Variants in GRIK4 observed in about 807,000 individuals in gnomAD.
GRIK4 encodes the protein glutamate receptor ionotropic, kainate 4.
GRIK4 carries 40 observed loss-of-function variants against 104.9 expected under a neutral mutation model. That is an observed-to-expected ratio of 0.38 (90% CI 0.30 to 0.50). The LOEUF (loss-of-function observed/expected upper bound fraction) is 0.50. Among genes scored for constraint, GRIK4 ranks in the 20% least tolerant of loss-of-function variants. GRIK4 has a pLI of 0.93. For missense variants in GRIK4, 1,047 were observed against 1,308.1 expected (o/e 0.80, Z 3.08); for synonymous variants, 485 against 524.9 (o/e 0.92, Z 1.04).
chr11:120,766,835 C>G (rs1951849482), intron 3 of GRIK4, among the ~76,000 whole-genome samples: 1 of 151,736 alleles, frequency 6.6e-6, no homozygotes, highest in Non-Finnish European at 1.5e-5. Flanking sequence ...GTTGGAAACA[C>G]AGAAATAACC....
chr11:120,545,775 G>A (rs1948080289), intron 1 of GRIK4, among the ~76,000 whole-genome samples: 1 of 152,186 alleles, frequency 6.6e-6, no homozygotes, highest in Admixed American at 6.5e-5. Context: ...GGTCAGGTAG[G>A]GAGCACCAGT....
chr11:120,652,355 C>T (rs1407197923), intron 1 of GRIK4, among the ~76,000 whole-genome samples: 1 of 152,182 alleles, frequency 6.6e-6, no homozygotes, highest in Admixed American at 6.5e-5. Flanking sequence ...GTTCCTGATT[C>T]CTGGGATAGT....
Position 120,905,222 on chromosome 11 carries a change from C to A in GRIK4, c.1273-68C>A, listed in dbSNP as rs1327113798. On this transcript the variant is annotated intron_variant, in intron 12 of 20. Transcript: ENST00000527524. This position sits in a 1 kb window ranked among gnomAD's most constrained non-coding sequence, Gnocchi z 5.1. ...TCCCCGACCCTCTGTGCCCCTGGCC[C>A]TCCCCATCACACGCGGGTGAGACAC... The A allele has an allele frequency of 3.4e-6, 4 of 1,170,230 alleles. No homozygotes were observed. In the Admixed American group the frequency reaches 5.0e-5, roughly 15 times the overall value. The allele number at this position is 1,170,230 out of a possible 1,614,324, so 72.5% of individuals were successfully genotyped here.
At chr11:120,928,824 C>T (rs565857622) in intron 13 of GRIK4, among the ~76,000 whole-genome samples, 2 of 152,302 alleles carry the variant, frequency 1.3e-5, no homozygotes, top group South Asian at 4.2e-4. Flanking sequence ...CTTGGACCTG[C>T]GGATGACATT....
chr11:120,870,029 A>G (rs1954556553), intron 9 of GRIK4: 1 of 152,280 alleles, frequency 6.6e-6, no homozygotes, highest in African/African-American at 2.4e-5. Context: ...AAGCATCCCA[A>G]CCAGACACAG....
intron 3 of GRIK4, among the ~76,000 whole-genome samples, chr11:120,775,197 G>A (rs1438229423): frequency 6.6e-6 from 1 of 151,988 alleles, no homozygotes; most frequent in Non-Finnish European, 1.5e-5. Context: ...TCTGCCTCTG[G>A]TCTGCTGGCA....
chr11:120,736,922 T>C (rs568024865), intron 3 of GRIK4, among the ~76,000 whole-genome samples: 1 of 152,270 alleles, frequency 6.6e-6, no homozygotes, highest in East Asian at 1.9e-4. Context: ...GAGAAATGGC[T>C]GATCCCAGGT....
intron 13 of GRIK4, among the ~76,000 whole-genome samples, chr11:120,907,804 C>T (rs527356041): frequency 8.5e-4 from 129 of 152,094 alleles, no homozygotes; most frequent in Non-Finnish European, 1.3e-3. Flanking sequence ...GGGATGTGTG[C>T]GCTGGCTTAG....
chr11:120,954,849 G>A (rs369738705), intron 15 of GRIK4, among the ~76,000 whole-genome samples: 1 of 145,858 alleles, frequency 6.9e-6, no homozygotes. Context: ...CTGGAGTCTA[G>A]GGTATTCTGT....
chr11:120,628,339 T>C (rs1949286772), intron 1 of GRIK4, among the ~76,000 whole-genome samples: 1 of 152,178 alleles, frequency 6.6e-6, no homozygotes, highest in South Asian at 2.1e-4. Flanking sequence ...TTAGCCATGG[T>C]CCCAGGAGCC....
intron 11 of GRIK4, among the ~76,000 whole-genome samples, chr11:120,885,586 T>C (rs989951130): frequency 6.6e-6 from 1 of 152,126 alleles, no homozygotes; most frequent in Non-Finnish European, 1.5e-5. Flanking sequence ...GGTTTTGCCA[T>C]GTTGGTCAGG....
At chr11:120,826,316 A>C (rs1411115792) in intron 6 of GRIK4, among the ~76,000 whole-genome samples, 1 of 152,108 alleles carries the variant, frequency 6.6e-6, no homozygotes, top group African/African-American at 2.4e-5. Flanking sequence ...AGACCATCCC[A>C]TGTATCAGAG....
intron 1 of GRIK4, among the ~76,000 whole-genome samples, chr11:120,584,902 G>A (rs1948638880): frequency 6.6e-6 from 1 of 152,202 alleles, no homozygotes; most frequent in Admixed American, 6.5e-5. Context: ...CAGGGATAAA[G>A]CCTACTTGAT....
At chr11:120,958,451 A>G (rs1944216189) in intron 16 of GRIK4, among the ~76,000 whole-genome samples, 1 of 152,176 alleles carries the variant, frequency 6.6e-6, no homozygotes, top group African/African-American at 2.4e-5. Flanking sequence ...GCACACTAAC[A>G]GTTCCTAGTT....
rs867585068 is a variant in GRIK4, at chr11:120,543,621, A to G, written c.-159+31734A>G. Among the ~76,000 whole-genome samples the G allele has an allele frequency of 3.9e-5, 6 of 152,104 alleles. 1 individual carries two copies. The highest frequency in any genetic ancestry group is 7.4e-5 in the Non-Finnish European group (5 of 68,006). On this transcript the variant is annotated intron_variant, in intron 1 of 20. Coordinates refer to ENST00000527524, the MANE Select transcript of GRIK4 (RefSeq NM_014619.5). ...TCCTCAAAAAATTAAAAATAGAACT[A>G]CCATACAAGCCAGTAATCCCACTTC...
At chr11:120,805,728 A>G (rs960955377) in intron 4 of GRIK4, among the ~76,000 whole-genome samples, 5 of 152,194 alleles carry the variant, frequency 3.3e-5, no homozygotes, top group African/African-American at 1.2e-4. Context: ...GAAAGATTCC[A>G]GCCCAGTTCT....
intron 1 of GRIK4, among the ~76,000 whole-genome samples, chr11:120,525,170 G>C (rs1947843103): frequency 6.6e-6 from 1 of 152,212 alleles, no homozygotes; most frequent in Admixed American, 6.5e-5. Context: ...CCTGGGAAGG[G>C]GTGATATCTG....
intron 9 of GRIK4, chr11:120,872,247 A>G (rs1028356815): frequency 3.4e-6 from 1 of 295,610 alleles, no homozygotes; most frequent in African/African-American, 2.2e-5. Context: ...GGAGGGATTC[A>G]CATGCCTGGG....
In GRIK4 at chr11:120,986,310, G is replaced by T; in HGVS notation, c.*50G>T. The stretch of plus-strand genomic sequence containing the variant: ...AGGCCGGGCGGGGCGGGAGGGGAGG[G>T]GCGGGGCGGGCGCTGCTGTCAGCCG... On this transcript the variant is annotated 3_prime_UTR_variant, in exon 21 of 21. Coordinates refer to ENST00000527524, the MANE Select transcript of GRIK4 (RefSeq NM_014619.5). 7.1e-7 allele frequency: 1 copy of T among 1,413,868 alleles called. No individual in the cohort carries two copies. The highest frequency in any genetic ancestry group is 9.2e-7 in the Non-Finnish European group (1 of 1,083,664). 87.6% of individuals were successfully genotyped at this position (1,413,868 alleles called of 1,614,324 possible).
Sources: allele counts gnomAD v4.1 joint callset (sites outside exome capture counted in the v4.1 genomes callset), GRCh38; gene constraint gnomAD v4.1.1; non-coding constraint Gnocchi (gnomAD v3.1); transcripts MANE v1.5; gene names NCBI Gene and HGNC (gene_info 2026-07-23, HGNC 2026-07-21).